ATRX: variants seen among roughly 807,000 people sequenced by gnomAD.
ATRX encodes chromatin remodeler ATRX.
In ATRX, 12 loss-of-function variants were observed where a neutral mutation model predicts 172.6. The observed-to-expected ratio is 0.07, with a 90% CI of 0.04 to 0.11. ATRX has a LOEUF of 0.11. Ranked by LOEUF, ATRX falls within the 10% of genes least tolerant of loss-of-function variation. The pLI is 1.00. For missense variants in ATRX, 1,368 were observed against 1,767.4 expected, an observed-to-expected ratio of 0.77 and a Z score of 4.05; for synonymous variants, 674 against 594.7, an observed-to-expected ratio of 1.13 and a Z score of -1.94.
chrX:77,731,011 A>G (rs1441911851), intron 1 of ATRX, among the ~76,000 whole-genome samples: 3 of 110,730 alleles, frequency 2.7e-5, no homozygotes, highest in African/African-American at 9.8e-5. Context: ...AAAGAAAATA[A>G]TACAAAATAT....
At chrX:77,675,935 T>G in intron 10 of ATRX, 1 of 206,270 alleles carries the variant, frequency 4.8e-6, no homozygotes. Flanking sequence ...CAAAATAAAT[T>G]ATTCCAAAAA....
intron 30 of ATRX, among the ~76,000 whole-genome samples, chrX:77,544,203 C>T (rs782385976): frequency 5.4e-5 from 6 of 110,860 alleles, no homozygotes; most frequent in East Asian, 2.8e-4. Context: ...GTAAATCTAG[C>T]GGATGGGTAT....
At chrX:77,731,730 A>C (rs1557176229) in intron 1 of ATRX, among the ~76,000 whole-genome samples, 1 of 111,106 alleles carries the variant, frequency 9.0e-6, no homozygotes, top group Non-Finnish European at 1.9e-5. Flanking sequence ...GAAGATGGCC[A>C]AACTTTGGGA....
At chrX:77,541,709 A>C (rs1557050914) in intron 30 of ATRX, among the ~76,000 whole-genome samples, 1 of 112,233 alleles carries the variant, frequency 8.9e-6, no homozygotes, top group Non-Finnish European at 1.9e-5. Flanking sequence ...AGAACCAATG[A>C]CAAAAACCAT....
intron 1 of ATRX, among the ~76,000 whole-genome samples, chrX:77,775,552 C>T (rs1557201802): frequency 2.7e-5 from 3 of 110,425 alleles, no homozygotes; most frequent in African/African-American, 9.9e-5. Context: ...AGCATGGTGG[C>T]ATGCACCTAT....
At chrX:77,581,464 CAAA>C (rs1375563162) in intron 27 of ATRX, among the ~76,000 whole-genome samples, 1 of 111,642 alleles carries the variant, frequency 9.0e-6, no homozygotes, top group Admixed American at 9.5e-5. Context: ...TAAGAAGAGA[CAAA>C]GAAGGACACT....
At chrX:77,720,349 T>C (rs943002912) in intron 1 of ATRX, among the ~76,000 whole-genome samples, 1 of 111,465 alleles carries the variant, frequency 9.0e-6, no homozygotes, top group Non-Finnish European at 1.9e-5. Flanking sequence ...CTCAAAGAGA[T>C]AGAGACAGGA....
rs987127830 is a variant in ATRX at position 77,664,704 on chromosome X, T to C, written c.3884A>G (p.Glu1295Gly). 26 of 1,208,429 alleles carry C rather than the reference T, an allele frequency of 2.2e-5. No individual in the cohort carries two copies. Among genetic ancestry groups the C allele is most frequent in the Non-Finnish European group, 2.9e-5 (26 of 894,087 alleles). The stretch of plus-strand genomic sequence containing the variant: ...AGTTCTTTTTTTCCCTTCTTCTGGC[T>C]CATCATCTGAAGATCCATCCTCATC... ...SSDEDGSSDD[E>G]PEEGKKRTGK... The change falls in exon 11 of 35, where the codon GAG (glutamate) becomes GGG (glycine). Residue 1295 changes from glutamate to glycine, a missense_variant. Glu to Gly is a moderately conservative substitution (Grantham distance 98, BLOSUM62 -2). Transcript: ENST00000373344.
At chrX:77,649,908 G>A (rs568785093) in intron 15 of ATRX, among the ~76,000 whole-genome samples, 41 of 111,695 alleles carry the variant, frequency 3.7e-4, no homozygotes, top group African/African-American at 1.2e-3. Flanking sequence ...TCAAAAATCA[G>A]GAATTACTTG....
rs782088353 is a variant in ATRX at position 77,766,669 on chromosome X, C to G, written c.20+19313G>C. On this transcript the variant is annotated intron_variant, in intron 1 of 34. Transcript: ENST00000373344. ...CTCACTTCCTAGATGGGATGGCGGC[C>G]GGGAAAAGGCGCTCCTCACTTCCTA... Among the ~76,000 whole-genome samples the G allele has an allele frequency of 6.9e-4, 73 of 106,192 alleles. 1 individual carries two copies. Among genetic ancestry groups the G allele is most frequent in the African/African-American group, 2.1e-3 (62 of 28,997 alleles). 92.2% of individuals were successfully genotyped at this position (106,192 alleles called of 115,157 possible).
chrX:77,528,688 G>A (rs2063479182), intron 30 of ATRX, among the ~76,000 whole-genome samples: 1 of 111,951 alleles, frequency 8.9e-6, no homozygotes, highest in South Asian at 3.8e-4. Context: ...AGGTAGATAA[G>A]CCCACAAAGA....
intron 2 of ATRX, among the ~76,000 whole-genome samples, chrX:77,708,892 T>C (rs1394325064): frequency 8.9e-6 from 1 of 112,206 alleles, no homozygotes; most frequent in Non-Finnish European, 1.9e-5. Context: ...ATGTAAATTA[T>C]ATTTCAATAA....
chrX:77,768,737 C>T (rs1407820925), intron 1 of ATRX, among the ~76,000 whole-genome samples: 1 of 111,591 alleles, frequency 9.0e-6, no homozygotes, highest in Non-Finnish European at 1.9e-5. Context: ...TCTTAGAGGG[C>T]AAAACACTAT....
At chrX:77,665,884 C>T (rs782759111) in intron 10 of ATRX, among the ~76,000 whole-genome samples, 5 of 111,827 alleles carry the variant, frequency 4.5e-5, no homozygotes, top group Admixed American at 9.6e-5. Context: ...AAACTTGTAG[C>T]TGAGATGATG....
intron 32 of ATRX, chrX:77,521,898 C>T: frequency 4.5e-6 from 1 of 221,961 alleles, no homozygotes; most frequent in South Asian, 7.8e-5. Flanking sequence ...ATCTATAATG[C>T]ACTAGAATAG....
chrX:77,511,456 C>T (rs782051925), intron 34 of ATRX, among the ~76,000 whole-genome samples: 5 of 111,580 alleles, frequency 4.5e-5, no homozygotes, highest in Admixed American at 9.5e-5. Flanking sequence ...CATCACCAAA[C>T]GAACTAAATA....
intron 19 of ATRX, among the ~76,000 whole-genome samples, chrX:77,629,651 A>T (rs1368669825): frequency 1.8e-5 from 2 of 111,899 alleles, no homozygotes; most frequent in African/African-American, 6.5e-5. Context: ...TAATCTAGGT[A>T]TTTATTTTTT....
chrX:77,551,271 T>C (rs1209963253), intron 30 of ATRX, among the ~76,000 whole-genome samples: 3 of 111,389 alleles, frequency 2.7e-5, no homozygotes, highest in African/African-American at 6.5e-5. Flanking sequence ...AACAGAGATA[T>C]AGACCAATGG....
At chrX:77,572,186 T>A (rs1291334880) in intron 28 of ATRX, among the ~76,000 whole-genome samples, 1 of 111,197 alleles carries the variant, frequency 9.0e-6, no homozygotes, top group Non-Finnish European at 1.9e-5. Flanking sequence ...AAATCCATAA[T>A]ATACATGTAC....
Sources: allele counts gnomAD v4.1 joint callset (sites outside exome capture counted in the v4.1 genomes callset), GRCh38; gene constraint gnomAD v4.1.1; transcripts MANE v1.5; gene names NCBI Gene and HGNC (gene_info 2026-07-23, HGNC 2026-07-21).